Variants in DCAF6 observed in about 807,000 individuals in gnomAD.
DCAF6 encodes the protein DDB1 and CUL4 associated factor 6, also known as DDB1- and CUL4-associated factor 6.
A neutral mutation model predicts 125.1 loss-of-function variants in DCAF6; 54 were observed. The ratio of observed to expected loss-of-function variants is 0.43; its 90% CI spans 0.35 to 0.54. The LOEUF is 0.54. Among genes scored for constraint, DCAF6 ranks in the 20% least tolerant of loss-of-function variants. The probability of loss-of-function intolerance (pLI) is 0.01; values close to 1 mark genes in which losing one functional copy is unlikely to be tolerated. For missense variants in DCAF6, 934 were observed against 1,161.7 expected (o/e 0.80, Z 2.85); for synonymous variants, 371 against 390.4 (o/e 0.95, Z 0.58).
At chr1:168,029,979 CAA>C (rs34555735) in intron 12 of DCAF6, among the ~76,000 whole-genome samples, 16 of 121,734 alleles carry the variant, frequency 1.3e-4, no homozygotes, top group Admixed American at 8.0e-5. Context: ...GACTCCGTCT[CAA>C]AAAAAAAAAA....
chr1:167,917,517 G>A, the DCAF6 span: 1 of 151,266 alleles, frequency 6.6e-6, no homozygotes, highest in South Asian at 2.1e-4. Context: ...AGGATCACTT[G>A]AGCCCAGGAG....
At chr1:167,930,992 C>T (rs1670891602), upstream of DCAF6, among the ~76,000 whole-genome samples, 1 of 152,212 alleles carries the variant, frequency 6.6e-6, no homozygotes, top group Non-Finnish European at 1.5e-5. Context: ...AGTGCAGTGG[C>T]ACGATCTTGG....
intron 19 of DCAF6, 144 bp downstream of exon 19, chr1:168,065,890 C>A: frequency 1.4e-6 from 1 of 701,154 alleles, no homozygotes; most frequent in African/African-American, 1.8e-5. Context: ...TACAGCTGAA[C>A]TTGCACTTCA....
At chr1:167,972,336 A>C (rs1677460055) in intron 3 of DCAF6, among the ~76,000 whole-genome samples, 1 of 152,244 alleles carries the variant, frequency 6.6e-6, no homozygotes, top group Non-Finnish European at 1.5e-5. Flanking sequence ...ACGAATAATA[A>C]TTCTTTGAAC....
At chr1:168,015,714 TAA>T in intron 10 of DCAF6, 65 bp from the exon 11 acceptor site, 1 of 1,300,776 alleles carries the variant, frequency 7.7e-7, no homozygotes, top group Non-Finnish European at 1.0e-6. Flanking sequence ...TTTTAATGTA[TAA>T]TCAAATTCTT....
chr1:168,068,264 T>C, intron 20 of DCAF6, 94 bp from the exon 21 acceptor site: 1 of 769,626 alleles, frequency 1.3e-6, no homozygotes, highest in South Asian at 1.6e-5. Context: ...TAATTCCTCC[T>C]GGTACTGGCT....
chr1:167,868,570 C>T, the DCAF6 span, among the ~76,000 whole-genome samples: 2 of 152,092 alleles, frequency 1.3e-5, no homozygotes, highest in Admixed American at 1.3e-4. Flanking sequence ...GACAGCCCCC[C>T]ACTAGGCTAT....
chr1:167,892,338 G>A, the DCAF6 span, among the ~76,000 whole-genome samples: 2 of 152,150 alleles, frequency 1.3e-5, no homozygotes, highest in African/African-American at 4.8e-5. Context: ...GTTTTGGCTT[G>A]GAAAAGAGGA....
At chr1:168,024,415 T>C (rs1259376028) in intron 12 of DCAF6, among the ~76,000 whole-genome samples, 8 of 152,206 alleles carry the variant, frequency 5.3e-5, no homozygotes, top group Non-Finnish European at 1.2e-4. Context: ...TTACTTGGTG[T>C]GAAATATATG....
At chr1:167,899,397 T>C in the DCAF6 span, 2 of 1,612,438 alleles carry the variant, frequency 1.2e-6, no homozygotes, top group Non-Finnish European at 1.7e-6. Context: ...GGCAGAACTT[T>C]CTGTAAGTAG....
intron 3 of DCAF6, among the ~76,000 whole-genome samples, chr1:167,967,375 A>T (rs982393651): frequency 6.6e-6 from 1 of 152,202 alleles, no homozygotes; most frequent in Admixed American, 6.5e-5. Context: ...AAGTAACTTT[A>T]ATTACTGTTT....
At chr1:167,929,809 C>T in the DCAF6 span, among the ~76,000 whole-genome samples, 1 of 152,180 alleles carries the variant, frequency 6.6e-6, no homozygotes. Context: ...GAGGTATTCA[C>T]TATATCCCTC....
intron 1 of DCAF6, among the ~76,000 whole-genome samples, chr1:167,948,870 C>G (rs1673492654): frequency 6.6e-6 from 1 of 152,042 alleles, no homozygotes; most frequent in African/African-American, 2.4e-5. Context: ...CAGGCTGGTC[C>G]TGAACTCCTG....
intron 10 of DCAF6, among the ~76,000 whole-genome samples, chr1:168,008,957 T>C (rs1054859075): frequency 1.4e-5 from 2 of 145,786 alleles, no homozygotes; most frequent in Non-Finnish European, 3.0e-5. Context: ...CTCTCTCTTT[T>C]CTTTCTTTTC....
chr1:167,894,488 G>T, the DCAF6 span, among the ~76,000 whole-genome samples: 1 of 152,066 alleles, frequency 6.6e-6, no homozygotes, highest in East Asian at 1.9e-4. Context: ...TCACTATAAA[G>T]ATTGATAGTT....
At chr1:167,938,513 T>A (rs116556792) in intron 1 of DCAF6, among the ~76,000 whole-genome samples, 1,578 of 152,334 alleles carry the variant, frequency 0.01, 35 homozygotes, top group African/African-American at 0.034. Flanking sequence ...GTGCATTTGT[T>A]GTAGGATAAG....
the DCAF6 span, among the ~76,000 whole-genome samples, chr1:167,891,599 T>C: frequency 6.8e-6 from 1 of 147,378 alleles, no homozygotes; most frequent in East Asian, 2.0e-4. Flanking sequence ...GAGCTTGCAG[T>C]GAGCCAAGAT....
At chr1:167,894,864 A>C in the DCAF6 span, among the ~76,000 whole-genome samples, 3 of 152,162 alleles carry the variant, frequency 2.0e-5, no homozygotes, top group African/African-American at 7.2e-5. Context: ...GAAATCCTGC[A>C]CTAACTCCAG....
At chr1:167,971,895 G>T (rs780840068) in intron 3 of DCAF6, among the ~76,000 whole-genome samples, 33 of 151,580 alleles carry the variant, frequency 2.2e-4, no homozygotes, top group Non-Finnish European at 4.3e-4. Flanking sequence ...TTGCTCTGTC[G>T]CCCAGGCTGC....
Sources: gnomAD v4.1 joint callset for allele counts (sites outside exome capture counted in the v4.1 genomes callset) on GRCh38, gnomAD v4.1.1 for gene constraint, MANE v1.5 for transcripts, NCBI Gene and HGNC (gene_info 2026-07-23, HGNC 2026-07-21) for gene names.